Variants in MSRA observed in about 807,000 individuals in gnomAD.
The protein encoded by MSRA is methionine sulfoxide reductase A, also known as mitochondrial peptide methionine sulfoxide reductase.
MSRA carries 54 observed loss-of-function variants against 31.3 expected under a neutral mutation model. The ratio of observed to expected loss-of-function variants is 1.73; its 90% CI spans 1.39 to 2.17. The LOEUF (loss-of-function observed/expected upper bound fraction) is 2.17. Among genes scored for constraint, MSRA ranks in the 30% most tolerant of loss-of-function variants. MSRA has a pLI of 0.00. For missense variants in MSRA, 507 were observed against 300.9 expected, an observed-to-expected ratio of 1.69 and a Z score of -5.07; for synonymous variants, 169 against 116.5, an observed-to-expected ratio of 1.45 and a Z score of -2.90.
intron 5 of MSRA, among the ~76,000 whole-genome samples, chr8:10,348,721 T>G (rs1803945461): frequency 6.6e-6 from 1 of 152,124 alleles, no homozygotes; most frequent in Non-Finnish European, 1.5e-5. Context: ...TCTAAAATAT[T>G]TATCTCCTTA....
intron 1 of MSRA, among the ~76,000 whole-genome samples, chr8:10,064,627 ATGAAT>A (rs1797367689): frequency 6.6e-6 from 1 of 152,254 alleles, no homozygotes; most frequent in African/African-American, 2.4e-5. Flanking sequence ...TGTTTATAAA[ATGAAT>A]TCTTTCAAAG....
At chr8:10,406,141 C>G (rs1040595774) in intron 5 of MSRA, among the ~76,000 whole-genome samples, 1 of 152,260 alleles carries the variant, frequency 6.6e-6, no homozygotes, top group Non-Finnish European at 1.5e-5. Flanking sequence ...GTATCCGACT[C>G]CCAGGCTCAC....
chr8:10,420,788 A>T (rs776459320), intron 5 of MSRA, among the ~76,000 whole-genome samples: 46 of 152,166 alleles, frequency 3.0e-4, no homozygotes, highest in Non-Finnish European at 5.9e-4. Context: ...AGTTCTAGAG[A>T]TAGTAGTGAT....
chr8:10,066,875 CTT>C (rs35203671), intron 1 of MSRA, among the ~76,000 whole-genome samples: 7 of 141,718 alleles, frequency 4.9e-5, no homozygotes, highest in East Asian at 2.1e-4. Context: ...TCTTAAATGA[CTT>C]TTTTTTTTTT....
At chr8:10,419,180 T>G (rs1015197996) in intron 5 of MSRA, among the ~76,000 whole-genome samples, 5 of 152,162 alleles carry the variant, frequency 3.3e-5, no homozygotes. Flanking sequence ...AAGGTTCTTG[T>G]GGATTTGTAT....
At chr8:10,394,521 C>G (rs1240146038) in intron 5 of MSRA, among the ~76,000 whole-genome samples, 1 of 152,262 alleles carries the variant, frequency 6.6e-6, no homozygotes, top group Non-Finnish European at 1.5e-5. Context: ...GCCCTTTTCT[C>G]TATATCATCT....
intron 3 of MSRA, chr8:10,250,858 C>T (rs982049946): frequency 9.9e-5 from 18 of 181,794 alleles, no homozygotes; most frequent in African/African-American, 3.0e-4. Context: ...TAAACCTGCA[C>T]ATTGTGCACA....
At chr8:10,215,639 C>A (rs1395857348) in intron 2 of MSRA, among the ~76,000 whole-genome samples, 3 of 152,232 alleles carry the variant, frequency 2.0e-5, no homozygotes, top group Non-Finnish European at 4.4e-5. Flanking sequence ...TGGCTGGGTA[C>A]TGAGAAGCCC....
At chr8:10,250,700 G>A in intron 3 of MSRA, 3 of 541,254 alleles carry the variant, frequency 5.5e-6, no homozygotes, top group Non-Finnish European at 9.8e-6. Flanking sequence ...TGGGGGTGGT[G>A]ATGGAACTGA....
At chr8:10,353,349 A>G (rs974261659) in intron 5 of MSRA, among the ~76,000 whole-genome samples, 2 of 152,196 alleles carry the variant, frequency 1.3e-5, no homozygotes, top group Non-Finnish European at 2.9e-5. Context: ...CATGAAAGAA[A>G]TTGCTACGCT....
At chr8:10,082,868 G>A (rs1798364361) in intron 1 of MSRA, among the ~76,000 whole-genome samples, 1 of 152,234 alleles carries the variant, frequency 6.6e-6, no homozygotes, top group Admixed American at 6.5e-5. Flanking sequence ...GAACAGAGTA[G>A]GAATTCAATC....
At chr8:10,223,187 A>T (rs559076404) in intron 2 of MSRA, among the ~76,000 whole-genome samples, 1 of 152,196 alleles carries the variant, frequency 6.6e-6, no homozygotes, top group Non-Finnish European at 1.5e-5. Flanking sequence ...TTGCAGGTCA[A>T]TATTACCTGC....
At chr8:10,418,534 C>G (rs1204167683) in intron 5 of MSRA, among the ~76,000 whole-genome samples, 1 of 151,978 alleles carries the variant, frequency 6.6e-6, no homozygotes, top group African/African-American at 2.4e-5. Flanking sequence ...GTCATAGGAT[C>G]CTTTGAAATT....
chr8:10,163,278 G>A (rs1187962387), intron 1 of MSRA, among the ~76,000 whole-genome samples: 2 of 152,204 alleles, frequency 1.3e-5, no homozygotes, highest in African/African-American at 2.4e-5. Flanking sequence ...CTCAGACCAC[G>A]CTGTAGGATT....
At chr8:10,305,370 C>G (rs1181079991) in intron 4 of MSRA, among the ~76,000 whole-genome samples, 10 of 150,984 alleles carry the variant, frequency 6.6e-5, no homozygotes, top group Non-Finnish European at 1.5e-4. Flanking sequence ...AGTATCTGCC[C>G]TAATGGACAT....
Position 10,239,454 on chromosome 8 carries a change from CT to C in MSRA, c.212-5649del, listed in dbSNP as rs542470470. ...GGATTACAGGCATGAGCCACCACCC[CT>C]GGCTCGAAATATGATTTTAAGCCCA... On this transcript the variant is annotated intron_variant, in intron 2 of 5. Coordinates refer to ENST00000317173, the MANE Select transcript of MSRA (RefSeq NM_012331.5). Among the ~76,000 whole-genome samples the C allele has an allele frequency of 1.4e-3, 211 of 152,370 alleles. 4 individuals are homozygous for C. Among genetic ancestry groups the C allele is most frequent in the East Asian group, 1.5e-3 (8 of 5,188 alleles).
rs1267162779 is a variant in MSRA at position 10,054,445 on chromosome 8, C to G, written c.-72C>G. 4 of 1,426,108 alleles carry G rather than the reference C, an allele frequency of 2.8e-6. No individual in the cohort carries two copies. In the African/African-American group the frequency reaches 5.9e-5, roughly 21 times the overall value. 88.3% of individuals were successfully genotyped at this position (1,426,108 alleles called of 1,614,324 possible). On this transcript the variant is annotated 5_prime_UTR_variant, in exon 1 of 6. Coordinates refer to ENST00000317173, the MANE Select transcript of MSRA (RefSeq NM_012331.5). ...CGGTTCCGGCCGCGGACCCCACTCTCTGCCGTTCCGGCTGCGGCTCCGCTG... is the reference window on the plus strand; with the variant it reads ...CGGTTCCGGCCGCGGACCCCACTCTGTGCCGTTCCGGCTGCGGCTCCGCTG...
At chr8:10,065,121 T>TGC (rs1797394282) in intron 1 of MSRA, among the ~76,000 whole-genome samples, 1 of 152,088 alleles carries the variant, frequency 6.6e-6, no homozygotes, top group Non-Finnish European at 1.5e-5. Flanking sequence ...CAGGGACTTC[T>TGC]GCTGGTCCCT....
At chr8:10,159,288 G>A (rs1804437482) in intron 1 of MSRA, among the ~76,000 whole-genome samples, 2 of 152,208 alleles carry the variant, frequency 1.3e-5, no homozygotes, top group Non-Finnish European at 2.9e-5. Flanking sequence ...GAGCAGGGTG[G>A]GTAGTGGAGA....
Sources: allele counts gnomAD v4.1 joint callset (sites outside exome capture counted in the v4.1 genomes callset), GRCh38; gene constraint gnomAD v4.1.1; transcripts MANE v1.5; gene names NCBI Gene and HGNC (gene_info 2026-07-23, HGNC 2026-07-21).